Variants in WDPCP observed in about 807,000 individuals in gnomAD.
WDPCP encodes the protein WD repeat containing planar cell polarity effector, also known as WD repeat-containing and planar cell polarity effector protein fritz homolog.
A neutral mutation model predicts 93.1 loss-of-function variants in WDPCP; 71 were observed. The observed-to-expected ratio is 0.76, with a 90% CI of 0.63 to 0.93. The LOEUF is 0.93. Ranked by LOEUF, WDPCP falls within the 40% of genes least tolerant of loss-of-function variation. The probability of loss-of-function intolerance (pLI) is 0.00; values close to 1 mark genes in which losing one functional copy is unlikely to be tolerated. For synonymous variants in WDPCP, 315 were observed against 315.0 expected (o/e 1.00, Z 0.00); for missense variants, 844 against 887.4 (o/e 0.95, Z 0.62).
intron 3 of WDPCP, among the ~76,000 whole-genome samples, chr2:63,646,290 T>C (rs1710049358): frequency 6.6e-6 from 1 of 152,206 alleles, no homozygotes; most frequent in Admixed American, 6.5e-5. Context: ...AAAATTTCTA[T>C]GCCTTAACTT....
intron 15 of WDPCP, among the ~76,000 whole-genome samples, chr2:63,163,220 G>A (rs1217345182): frequency 2.0e-5 from 3 of 152,144 alleles, no homozygotes; most frequent in East Asian, 3.8e-4. Flanking sequence ...CACATTATCA[G>A]TTTTCTTAAA....
At chr2:63,778,526 ACTT>A (rs1670339507) in intron 2 of WDPCP, among the ~76,000 whole-genome samples, 1 of 151,988 alleles carries the variant, frequency 6.6e-6, no homozygotes, top group Admixed American at 6.6e-5. Context: ...CACTTGTTGA[ACTT>A]CTTCCCATCC....
Position 63,404,283 on chromosome 2 carries a change from C to T in WDPCP, c.1200G>A (p.Glu400=), listed in dbSNP as rs765121106. Residue 400 remains glutamate (E), a synonymous_variant, in exon 10 of 18, where the codon GAG becomes GAA. Coordinates refer to ENST00000272321, the MANE Select transcript of WDPCP (RefSeq NM_015910.7). The part of the protein sequence containing the change: ...AILLVGSNQG[E]LQIFDMALSP... ...ATAGAGCCATATCAAAAATTTGCAACTCCCCTTGGTTGCTGCCAACTAGCA... is the reference window on the plus strand; with the variant it reads ...ATAGAGCCATATCAAAAATTTGCAATTCCCCTTGGTTGCTGCCAACTAGCA... 4 of 1,614,042 alleles carry T rather than the reference C, an allele frequency of 2.5e-6. No homozygotes were observed. In the South Asian group the frequency reaches 3.3e-5, roughly 13 times the overall value.
At chr2:63,413,135 T>C (rs1251539669) in intron 9 of WDPCP, among the ~76,000 whole-genome samples, 1 of 152,112 alleles carries the variant, frequency 6.6e-6, no homozygotes, top group African/African-American at 2.4e-5. Flanking sequence ...TATAAGGCCA[T>C]AGTCACCAAA....
intron 12 of WDPCP, among the ~76,000 whole-genome samples, chr2:63,335,029 A>AT (rs1468804781): frequency 1.3e-5 from 2 of 152,184 alleles, no homozygotes; most frequent in African/African-American, 4.8e-5. Context: ...AGACAAATGC[A>AT]TATCTGATTG....
intron 14 of WDPCP, among the ~76,000 whole-genome samples, chr2:63,199,104 C>T (rs1175813163): frequency 6.6e-6 from 1 of 152,134 alleles, no homozygotes; most frequent in Non-Finnish European, 1.5e-5. Context: ...GATTTCTAAG[C>T]AGCAAAGCAT....
chr2:63,428,236 G>C (rs1167478712), intron 9 of WDPCP, among the ~76,000 whole-genome samples: 3 of 149,202 alleles, frequency 2.0e-5, no homozygotes, highest in African/African-American at 7.4e-5. Flanking sequence ...CTCATTCTAC[G>C]AAGCCAGCAT....
intron 12 of WDPCP, among the ~76,000 whole-genome samples, chr2:63,375,541 C>T (rs939670553): frequency 6.6e-6 from 1 of 151,728 alleles, no homozygotes; most frequent in African/African-American, 2.4e-5. Flanking sequence ...ACTTTGAATG[C>T]ATACAAAAAG....
chr2:63,537,515 A>G (rs1311535196), intron 1 of WDPCP, among the ~76,000 whole-genome samples: 1 of 152,144 alleles, frequency 6.6e-6, no homozygotes, highest in African/African-American at 2.4e-5. Flanking sequence ...CCTTACTCAC[A>G]ACTCTGGCCT....
At chr2:63,206,858 TTAAGATAG>T (rs1676380135) in intron 14 of WDPCP, among the ~76,000 whole-genome samples, 1 of 152,224 alleles carries the variant, frequency 6.6e-6, no homozygotes, top group Non-Finnish European at 1.5e-5. Context: ...ATAAAAATGG[TTAAGATAG>T]TAACTTTTCT....
At position 63,733,443 on chromosome 2, in the gene WDPCP, C is replaced by A. The variant is rs577403862; in HGVS notation, n.308+80179G>T. Among the ~76,000 whole-genome samples, 5 of 151,434 alleles carry A rather than the reference C, an allele frequency of 3.3e-5. No homozygotes were observed. The South Asian group carries it at 6.3e-4, about 19-fold the overall frequency. ...GGTCTCGATCTCCTGACCTCATGAT[C>A]CACCCGCCTCGGCCTCCCAAAGTGC... On this transcript the variant is annotated intron_variant and non_coding_transcript_variant, in intron 2 of 4. Transcript: ENST00000467687.
intron 1 of WDPCP, among the ~76,000 whole-genome samples, chr2:63,522,536 G>A (rs891787316): frequency 6.7e-6 from 1 of 150,092 alleles, no homozygotes; most frequent in Non-Finnish European, 1.5e-5. Context: ...CTGGTTCCTT[G>A]AAAGAATTAA....
Position 63,520,650 on chromosome 2 carries a change from G to A in WDPCP, c.76-27710C>T, listed in dbSNP as rs573826409. ...CTCACACCTGTAATCCCAGCACTCTGGGAGGCCAAGATGGATGGATCACTT... is the reference window on the plus strand; with the variant it reads ...CTCACACCTGTAATCCCAGCACTCTAGGAGGCCAAGATGGATGGATCACTT... On this transcript the variant is annotated intron_variant, in intron 1 of 17. Coordinates refer to ENST00000272321, the MANE Select transcript of WDPCP (RefSeq NM_015910.7). Among the ~76,000 whole-genome samples the A allele has an allele frequency of 3.3e-5, 5 of 152,246 alleles. No homozygotes were observed. In the South Asian group the frequency reaches 8.3e-4, roughly 25 times the overall value.
chr2:63,619,745 G>C (rs1043817524), intron 3 of WDPCP, among the ~76,000 whole-genome samples: 5 of 152,228 alleles, frequency 3.3e-5, no homozygotes, highest in Non-Finnish European at 5.9e-5. Context: ...TGGCCAAATA[G>C]GAACAGCTCT....
At chr2:63,374,052 ATTTTTTT>A (rs55949475) in intron 12 of WDPCP, among the ~76,000 whole-genome samples, 4 of 135,940 alleles carry the variant, frequency 2.9e-5, no homozygotes, top group South Asian at 2.3e-4. Context: ...CAAGTTTATG[ATTTTTTT>A]TTTTTTTTTG....
upstream of WDPCP, among the ~76,000 whole-genome samples, chr2:63,832,429 TG>T (rs567271560): frequency 4.0e-5 from 6 of 150,246 alleles, no homozygotes; most frequent in South Asian, 2.1e-4. Flanking sequence ...GGTGTTGGGG[TG>T]GGGGGGGGAA....
chr2:63,486,306 T>G (rs923190631), intron 4 of WDPCP, among the ~76,000 whole-genome samples: 42 of 151,908 alleles, frequency 2.8e-4, no homozygotes, highest in Non-Finnish European at 4.3e-4. Context: ...TATAGTTCAT[T>G]ATGAAATTTT....
At chr2:63,277,014 A>C (rs1331918750) in intron 13 of WDPCP, among the ~76,000 whole-genome samples, 1 of 152,246 alleles carries the variant, frequency 6.6e-6, no homozygotes, top group Non-Finnish European at 1.5e-5. Context: ...AACCTATCAG[A>C]GTAACGCATA....
intron 7 of WDPCP, 77 bp downstream of exon 7, chr2:63,439,680 T>TGTCCCC: frequency 7.8e-7 from 1 of 1,276,322 alleles, no homozygotes; most frequent in Non-Finnish European, 1.1e-6. Context: ...TGGTAATAAT[T>TGTCCCC]AGTCTACCTG....
Sources: gnomAD v4.1 joint callset for allele counts (sites outside exome capture counted in the v4.1 genomes callset) on GRCh38, gnomAD v4.1.1 for gene constraint, MANE v1.5 for transcripts, NCBI Gene and HGNC (gene_info 2026-07-23, HGNC 2026-07-21) for gene names.